Variants in DRG2 observed in about 807,000 individuals in gnomAD.
DRG2 encodes the protein developmentally regulated GTP binding protein 2, also known as developmentally-regulated GTP-binding protein 2.
In DRG2, 36 loss-of-function variants were observed where a neutral mutation model predicts 53.4. That is an observed-to-expected ratio of 0.67 (90% CI 0.52 to 0.89). The LOEUF (loss-of-function observed/expected upper bound fraction) is 0.89, where lower values mean the gene tolerates loss of function less well. Ranked by LOEUF, DRG2 falls within the 40% of genes least tolerant of loss-of-function variation. DRG2 has a pLI of 0.00. For missense variants in DRG2, 342 were observed against 481.2 expected (o/e 0.71, Z 2.71); for synonymous variants, 167 against 192.1 (o/e 0.87, Z 1.08).
At chr17:18,094,015 A>G in intron 2 of DRG2, 42 bp downstream of exon 2, 1 of 1,589,718 alleles carries the variant, frequency 6.3e-7, no homozygotes, top group Non-Finnish European at 8.6e-7. Flanking sequence ...GAAAGCAAGA[A>G]GTCATCTTTC....
At chr17:18,095,330 G>A (rs2045414042) in intron 2 of DRG2, 1 of 149,416 alleles carries the variant, frequency 6.7e-6, no homozygotes. Flanking sequence ...TTTTATGTGA[G>A]GAATAAAATA....
Position 18,106,431 on chromosome 17 carries a change from A to G in DRG2, c.955-2A>G, listed in dbSNP as rs1481302450. 1.9e-6 allele frequency: 3 copies of G among 1,614,002 alleles called. No individual in the cohort carries two copies. The highest frequency in any genetic ancestry group is 1.3e-5 in the African/African-American group (1 of 75,024). On this transcript the variant is annotated splice_acceptor_variant, in intron 11 of 12. Coordinates refer to ENST00000225729, the MANE Select transcript of DRG2 (RefSeq NM_001388.5). LOFTEE classifies it high-confidence loss of function. ...TCTACCTGACTCTCTCCTGTCCTCCAGTGCCACCGCATCCACCGGTCACTC... is the reference window on the plus strand; with the variant it reads ...TCTACCTGACTCTCTCCTGTCCTCCGGTGCCACCGCATCCACCGGTCACTC...
chr17:18,100,818 G>A lies in DRG2; in HGVS notation c.631+159G>A, dbSNP rs116220071. ...GTAGCCTCTGGGCAAGCTCCAGACT[G>A]CCAGGTCTGCAGCCGTGCACTTGAC... is the stretch of plus-strand genomic sequence containing the variant. On this transcript the variant is annotated intron_variant, in intron 7 of 12. Transcript: ENST00000225729. This position sits in a 1 kb window ranked among gnomAD's most constrained non-coding sequence, Gnocchi z 4.1. 2.8e-3 allele frequency among the ~76,000 whole-genome samples: 423 copies of A among 152,306 alleles called. 5 individuals are homozygous for A. Among genetic ancestry groups the A allele is most frequent in the African/African-American group, 9.7e-3 (404 of 41,554 alleles).
Position 18,099,796 on chromosome 17 carries a change from C to T in DRG2, c.467+73C>T, listed in dbSNP as rs958596016. 75 of 1,482,260 alleles carry T rather than the reference C, an allele frequency of 5.1e-5. No individual in the cohort carries two copies. The highest frequency in any genetic ancestry group is 2.2e-4 in the Middle Eastern group (1 of 4,612). The allele number at this position is 1,482,260 out of a possible 1,614,324, so 91.8% of individuals were successfully genotyped here. A position where few individuals can be genotyped will look rare whatever the true frequency, so the allele number is the denominator to read the frequency against. ...AATGTGTCCCTGAGCTCGTACTAGGCGGCCTGTGGGTGTTTGGCTCTCTCA... is the reference window on the plus strand; with the variant it reads ...AATGTGTCCCTGAGCTCGTACTAGGTGGCCTGTGGGTGTTTGGCTCTCTCA... On this transcript the variant is annotated intron_variant, in intron 5 of 12. Transcript: ENST00000225729. The surrounding 1 kb of genome is among the most constrained non-coding windows in gnomAD (Gnocchi z 4.4).
At chr17:18,092,754 G>C (rs556640423) in intron 1 of DRG2, among the ~76,000 whole-genome samples, 1 of 152,268 alleles carries the variant, frequency 6.6e-6, no homozygotes, top group Non-Finnish European at 1.5e-5. Flanking sequence ...AGGATCTAAC[G>C]AAGTTACCCT....
chr17:18,093,679 A>ATTT, intron 1 of DRG2, 134 bp from the exon 2 acceptor site: 4 of 833,360 alleles, frequency 4.8e-6, no homozygotes, highest in East Asian at 3.3e-5. Context: ...AAGCAGAGAG[A>ATTT]TTTTTTTTTT....
At chr17:18,102,755 A>G (rs914397297) in intron 9 of DRG2, among the ~76,000 whole-genome samples, 4 of 151,796 alleles carry the variant, frequency 2.6e-5, no homozygotes, top group Non-Finnish European at 5.9e-5. Context: ...GCTCAAAGGG[A>G]AAAAGGGAAC....
At position 18,087,979 on chromosome 17, in the gene DRG2, G is replaced by C. The variant is rs1175364459; in HGVS notation, c.-45G>C. ...TCGCCGCCGTCAGACCGGAATTGCCGGTGCCGCCGCCACCGCTGTCTGTGC... is the reference window on the plus strand; with the variant it reads ...TCGCCGCCGTCAGACCGGAATTGCCCGTGCCGCCGCCACCGCTGTCTGTGC... On this transcript the variant is annotated 5_prime_UTR_variant, in exon 1 of 13. Transcript: ENST00000225729. 1.3e-6 allele frequency: 2 copies of C among 1,541,426 alleles called. No individual in the cohort carries two copies. The highest frequency in any genetic ancestry group is 1.7e-6 in the Non-Finnish European group (2 of 1,143,592).
At chr17:18,094,108 G>A in intron 2 of DRG2, 135 bp downstream of exon 2, 1 of 1,207,966 alleles carries the variant, frequency 8.3e-7, no homozygotes, top group Non-Finnish European at 1.1e-6. Flanking sequence ...CCCAGGGTCA[G>A]ATCCCAGCCC....
At position 18,093,988 on chromosome 17, in the gene DRG2, G is replaced by A; in HGVS notation, c.225+15G>A. The A allele has an allele frequency of 1.2e-6, 2 of 1,604,106 alleles. No homozygotes were observed. The highest frequency in any genetic ancestry group is 1.7e-6 in the Non-Finnish European group (2 of 1,172,726). On this transcript the variant is annotated intron_variant, in intron 2 of 12. Coordinates refer to ENST00000225729, the MANE Select transcript of DRG2 (RefSeq NM_001388.5). Reference sequence around the variant, plus strand: ...CTGTGGGTAAGGTCAGTGATGGTCAGTGTGGGCCTCGGGGAGGAAAGCAAG... The same window carrying A: ...CTGTGGGTAAGGTCAGTGATGGTCAATGTGGGCCTCGGGGAGGAAAGCAAG...
rs774258853 is a variant in DRG2 at position 18,093,904 on chromosome 17, A to G, written c.156A>G (p.Gly52=). The change falls in exon 2 of 13, where the codon GGA becomes GGG. Residue 52 remains glycine, a synonymous_variant. Coordinates refer to ENST00000225729, the MANE Select transcript of DRG2 (RefSeq NM_001388.5). The part of the protein sequence containing the change: ...LEPSKSASSK[G]EGFDVMKSGD... The stretch of plus-strand genomic sequence containing the variant: ...CGTCCAAATCGGCCTCGTCCAAAGG[A>G]GAGGGCTTTGATGTCATGAAGTCGG... 6.2e-7 allele frequency: 1 copy of G among 1,614,058 alleles called. No homozygotes were observed. The highest frequency in any genetic ancestry group is 1.3e-5 in the African/African-American group (1 of 74,924).
In DRG2 at chr17:18,100,641, C is replaced by T; in HGVS notation, c.613C>T (p.Leu205Phe). 1 of 1,614,074 alleles carries T rather than the reference C, an allele frequency of 6.2e-7. No individual in the cohort carries two copies. Among genetic ancestry groups the T allele is most frequent in the East Asian group, 2.2e-5 (1 of 44,882 alleles). Residue 205 changes from leucine to phenylalanine, a missense_variant, in exon 7 of 13, where the codon CTC becomes TTC. Physicochemically the swap from Leu to Phe is conservative, Grantham distance 22. Coordinates refer to ENST00000225729, the MANE Select transcript of DRG2 (RefSeq NM_001388.5). This position sits in a 1 kb window ranked among gnomAD's most constrained non-coding sequence, Gnocchi z 4.1. ...CCAGTGCTCGGAAAAGCTGGTGCAG[C>T]TCATCCTGCACGAATACAGTATCCT... Reference protein sequence around the residue: ...LTQCSEKLVQLILHEYKIFNA... With the variant: ...LTQCSEKLVQFILHEYKIFNA...
Position 18,099,565 on chromosome 17 carries a change from G to A in DRG2, c.377-68G>A. 2 of 1,517,508 alleles carry A rather than the reference G, an allele frequency of 1.3e-6. No individual in the cohort carries two copies. Among genetic ancestry groups the A allele is most frequent in the Non-Finnish European group, 1.8e-6 (2 of 1,115,692 alleles). 94.0% of individuals were successfully genotyped at this position (1,517,508 alleles called of 1,614,324 possible). On this transcript the variant is annotated intron_variant, in intron 4 of 12. Transcript: ENST00000225729. The surrounding 1 kb of genome is among the most constrained non-coding windows in gnomAD (Gnocchi z 4.4). ...TAGGTCTGTAAAGGACAGGAGTCCA[G>A]GGCGCCGTGGGCTGGGTAGCAGTCA...
At chr17:18,104,412 G>T (rs573408945) in intron 10 of DRG2, 5 of 1,114,070 alleles carry the variant, frequency 4.5e-6, no homozygotes, top group East Asian at 2.6e-5. Flanking sequence ...AATCCTAGAC[G>T]TGATTTATTT....
In DRG2 at chr17:18,100,660, G is replaced by A. The variant is rs1297508112; in HGVS notation, c.631+1G>A. The A allele has an allele frequency of 5.6e-6, 9 of 1,613,316 alleles. No individual in the cohort carries two copies. The highest frequency in any genetic ancestry group is 7.6e-6 in the Non-Finnish European group (9 of 1,179,766). ...GTGCAGCTCATCCTGCACGAATACAGTATCCTTCCCTGAAAGACACGTGAA... is the reference window on the plus strand; with the variant it reads ...GTGCAGCTCATCCTGCACGAATACAATATCCTTCCCTGAAAGACACGTGAA... On this transcript the variant is annotated splice_donor_variant, in intron 7 of 12. Coordinates refer to ENST00000225729, the MANE Select transcript of DRG2 (RefSeq NM_001388.5). LOFTEE classifies it high-confidence loss of function. This position sits in a 1 kb window ranked among gnomAD's most constrained non-coding sequence, Gnocchi z 4.1.
Position 18,100,584 on chromosome 17 carries a change from G to A in DRG2, c.556G>A (p.Gly186Ser), listed in dbSNP as rs773089223. 2 of 1,614,220 alleles carry A rather than the reference G, an allele frequency of 1.2e-6. No homozygotes were observed. Among genetic ancestry groups the A allele is most frequent in the Non-Finnish European group, 8.5e-7 (1 of 1,180,038 alleles). Residue 186 changes from glycine to serine, a missense_variant, in exon 7 of 13, where the codon GGC becomes AGC. Transcript: ENST00000225729. This position sits in a 1 kb window ranked among gnomAD's most constrained non-coding sequence, Gnocchi z 4.1. ...CCTCTTTCAGCCCAAGAAAGGTGGT[G>A]GCATCTCCTTTAACTCGACAGTCAC... ...NIYFKPKKGG[G>S]ISFNSTVTLT...
intron 1 of DRG2, among the ~76,000 whole-genome samples, chr17:18,090,649 C>T (rs2045318320): frequency 6.6e-6 from 1 of 151,704 alleles, no homozygotes; most frequent in Non-Finnish European, 1.5e-5. Flanking sequence ...ATCCGCCCAC[C>T]TCGGCTTCCC....
rs1331899444 is a variant in DRG2, at chr17:18,101,451, G to A, written c.632-42G>A. On this transcript the variant is annotated intron_variant, in intron 7 of 12. Transcript: ENST00000225729. ...GGGGCCCTCCGCTGATGGGGGACAG[G>A]GGCAGCTGGTGCACAGGTTGCCCTT... 4 of 1,597,660 alleles carry A rather than the reference G, an allele frequency of 2.5e-6. No homozygotes were observed. In the East Asian group the frequency reaches 8.9e-5, roughly 36 times the overall value.
chr17:18,096,399 G>T (rs955003480), intron 2 of DRG2: 2 of 152,170 alleles, frequency 1.3e-5, no homozygotes, highest in Non-Finnish European at 2.9e-5. Flanking sequence ...ATGGATTCGT[G>T]GGGGGTTATT....
Sources: gnomAD v4.1 joint callset for allele counts (sites outside exome capture counted in the v4.1 genomes callset) on GRCh38, gnomAD v4.1.1 for gene constraint, Gnocchi (gnomAD v3.1) non-coding constraint, MANE v1.5 for transcripts, NCBI Gene and HGNC (gene_info 2026-07-23, HGNC 2026-07-21) for gene names.